Variants in ATXN10 observed in about 807,000 individuals in gnomAD.
ATXN10 encodes ataxin 10.
In ATXN10, 28 loss-of-function variants were observed where a neutral mutation model predicts 52.9. The observed-to-expected ratio is 0.53, with a 90% confidence interval of 0.39 to 0.73. The LOEUF (loss-of-function observed/expected upper bound fraction) is 0.73, where lower values mean the gene tolerates loss of function less well. ATXN10 is among the 30% of genes least tolerant of loss of function. The pLI is 0.00. For missense variants in ATXN10, 565 were observed against 577.0 expected (o/e 0.98, Z 0.21); for synonymous variants, 226 against 221.5 (o/e 1.02, Z -0.18).
At chr22:45,811,389 A>C (rs1754285844) in intron 10 of ATXN10, among the ~76,000 whole-genome samples, 1 of 152,164 alleles carries the variant, frequency 6.6e-6, no homozygotes, top group Admixed American at 6.5e-5. Context: ...TCTTGTATAA[A>C]GTATATACAG....
chr22:45,678,230 G>A lies in ATXN10; in HGVS notation c.116+6051G>A, dbSNP rs1922778785. On this transcript the variant is annotated intron_variant, in intron 1 of 11. Transcript: ENST00000252934. The surrounding 1 kb of genome is among the most constrained non-coding windows in gnomAD (Gnocchi z 4.1). ...AAATGAACAACATGGCAAATTTTAT[G>A]TTATATATATGTATTTTACCACAGT... is the stretch of plus-strand genomic sequence containing the variant. 6.6e-6 allele frequency: 1 copy of A among 152,162 alleles called. No homozygotes were observed. Among genetic ancestry groups the A allele is most frequent in the Non-Finnish European group, 1.5e-5 (1 of 68,040 alleles). The allele number at this position is 152,162 out of a possible 1,614,324, so 9.4% of individuals were successfully genotyped here.
At chr22:45,804,854 T>G (rs1009536703) in intron 9 of ATXN10, among the ~76,000 whole-genome samples, 1 of 152,222 alleles carries the variant, frequency 6.6e-6, no homozygotes, top group African/African-American at 2.4e-5. Context: ...CCATTATTTG[T>G]TTTTGGTTTA....
At chr22:45,697,427 G>A (rs1400019692) in intron 3 of ATXN10, among the ~76,000 whole-genome samples, 2 of 151,092 alleles carry the variant, frequency 1.3e-5, no homozygotes, top group Non-Finnish European at 3.0e-5. Context: ...GAGCCGCTGC[G>A]TCCGGCCTAA....
intron 5 of ATXN10, among the ~76,000 whole-genome samples, chr22:45,716,282 C>T (rs931357727): frequency 2.7e-5 from 4 of 150,850 alleles, no homozygotes; most frequent in African/African-American, 4.9e-5. Flanking sequence ...ACAACAAAAA[C>T]GAAAGCGGCG....
At chr22:45,776,475 G>A (rs927745223) in intron 9 of ATXN10, among the ~76,000 whole-genome samples, 1 of 149,760 alleles carries the variant, frequency 6.7e-6, no homozygotes, top group African/African-American at 2.5e-5. Context: ...GCCATATGAA[G>A]TTTTTCATAT....
intron 9 of ATXN10, among the ~76,000 whole-genome samples, chr22:45,748,031 T>C (rs1420009594): frequency 6.6e-6 from 1 of 152,084 alleles, no homozygotes; most frequent in Non-Finnish European, 1.5e-5. Flanking sequence ...AGACCGTTTC[T>C]CTAAAAAAAT....
rs1486202283 is a variant in ATXN10, at chr22:45,681,889, A to G, written c.117-7823A>G. On this transcript the variant is annotated intron_variant, in intron 1 of 11. Coordinates refer to ENST00000252934, the MANE Select transcript of ATXN10 (RefSeq NM_013236.4). The surrounding 1 kb of genome is among the most constrained non-coding windows in gnomAD (Gnocchi z 4.2). The stretch of plus-strand genomic sequence containing the variant: ...CTGAAAATAGGAGCAACTAGAAGAT[A>G]ATTTCCAGGAACTCTCATCACCCTC... Among the ~76,000 whole-genome samples, 2 of 152,152 alleles carry G rather than the reference A, an allele frequency of 1.3e-5. No individual in the cohort carries two copies. Among genetic ancestry groups the G allele is most frequent in the Non-Finnish European group, 2.9e-5 (2 of 68,024 alleles).
In ATXN10 at chr22:45,766,641, G is replaced by A. The variant is rs1056639343; in HGVS notation, c.1173+26103G>A. On this transcript the variant is annotated intron_variant, in intron 9 of 11. Transcript: ENST00000252934. The surrounding 1 kb of genome is among the most constrained non-coding windows in gnomAD (Gnocchi z 4.6). ...ATGAGTTCCGTTATATAACCTCCGAGTCTGGAAGCAATAAGAGAAAAGGTT... is the reference window on the plus strand; with the variant it reads ...ATGAGTTCCGTTATATAACCTCCGAATCTGGAAGCAATAAGAGAAAAGGTT... Among the ~76,000 whole-genome samples the A allele has an allele frequency of 6.6e-6, 1 of 152,122 alleles. No individual in the cohort carries two copies. The highest frequency in any genetic ancestry group is 1.5e-5 in the Non-Finnish European group (1 of 68,032).
At chr22:45,682,491 G>A (rs1166169635) in intron 1 of ATXN10, among the ~76,000 whole-genome samples, 2 of 150,012 alleles carry the variant, frequency 1.3e-5, no homozygotes, top group Non-Finnish European at 3.0e-5. Context: ...AATTTTTTTT[G>A]TAGAGACAGG....
intron 8 of ATXN10, among the ~76,000 whole-genome samples, chr22:45,740,155 T>A (rs1247182211): frequency 6.6e-6 from 1 of 152,158 alleles, no homozygotes; most frequent in Non-Finnish European, 1.5e-5. Context: ...TCCCCAAAAC[T>A]AGAGTCAAAA....
chr22:45,694,786 A>C (rs1183412539), intron 3 of ATXN10, among the ~76,000 whole-genome samples: 1 of 151,248 alleles, frequency 6.6e-6, no homozygotes, highest in African/African-American at 2.4e-5. Context: ...CTGTCTCGAA[A>C]AAAAAAAGAA....
At chr22:45,767,436 T>TACAC (rs67341464) in intron 9 of ATXN10, among the ~76,000 whole-genome samples, 26 of 149,738 alleles carry the variant, frequency 1.7e-4, no homozygotes, top group African/African-American at 5.4e-4. Context: ...TAAATATACA[T>TACAC]ACACACACAC....
intron 9 of ATXN10, among the ~76,000 whole-genome samples, chr22:45,798,332 A>T (rs1196153983): frequency 3.3e-5 from 5 of 152,208 alleles, no homozygotes; most frequent in Admixed American, 6.5e-5. Flanking sequence ...TGTATCATGA[A>T]CCTATGATGG....
intron 7 of ATXN10, among the ~76,000 whole-genome samples, chr22:45,737,336 C>T (rs894770016): frequency 2.0e-5 from 3 of 152,182 alleles, no homozygotes; most frequent in African/African-American, 7.2e-5. Context: ...CAGGTCTGTT[C>T]TTGAAGGAGC....
intron 8 of ATXN10, 53 bp from the exon 9 acceptor site, chr22:45,740,316 C>T: frequency 6.4e-7 from 1 of 1,551,376 alleles, no homozygotes; most frequent in African/African-American, 1.4e-5. Context: ...ATTAGTACAA[C>T]ATACTAAAAG....
chr22:45,767,608 C>T (rs1926630623), intron 9 of ATXN10, among the ~76,000 whole-genome samples: 1 of 151,260 alleles, frequency 6.6e-6, no homozygotes, highest in African/African-American at 2.4e-5. Context: ...TATAGAATTA[C>T]TTTGAAATCA....
Position 45,757,892 on chromosome 22 carries a change from T to C in ATXN10, c.1173+17354T>C, listed in dbSNP as rs1422597399. ...GTCATATTCGTTGAGCCTGTATTTA[T>C]AAAATTGGCATTTATTGGACCTCTG... On this transcript the variant is annotated intron_variant, in intron 9 of 11. Transcript: ENST00000252934. This position sits in a 1 kb window ranked among gnomAD's most constrained non-coding sequence, Gnocchi z 4.6. 6.6e-6 allele frequency among the ~76,000 whole-genome samples: 1 copy of C among 152,244 alleles called. No individual in the cohort carries two copies. The highest frequency in any genetic ancestry group is 1.5e-5 in the Non-Finnish European group (1 of 68,044).
intron 10 of ATXN10, among the ~76,000 whole-genome samples, chr22:45,821,024 A>G (rs1928628527): frequency 6.6e-6 from 1 of 152,214 alleles, no homozygotes; most frequent in South Asian, 2.1e-4. Flanking sequence ...TCTTTGGAAA[A>G]TGACCTAACT....
chr22:45,840,862 T>G lies in ATXN10; in HGVS notation c.1238-2129T>G, dbSNP rs1436305310. ...CTTCTTTCATTTACCATTAGAGAGT[T>G]ATACTCATGAACAAAAATTCCCCAG... On this transcript the variant is annotated intron_variant, in intron 10 of 11. Coordinates refer to ENST00000252934, the MANE Select transcript of ATXN10 (RefSeq NM_013236.4). The surrounding 1 kb of genome is among the most constrained non-coding windows in gnomAD (Gnocchi z 5.8). 6.6e-6 allele frequency among the ~76,000 whole-genome samples: 1 copy of G among 152,226 alleles called. No individual in the cohort carries two copies. The highest frequency in any genetic ancestry group is 1.5e-5 in the Non-Finnish European group (1 of 68,040).
Sources: allele counts gnomAD v4.1 joint callset (sites outside exome capture counted in the v4.1 genomes callset), GRCh38; gene constraint gnomAD v4.1.1; non-coding constraint Gnocchi (gnomAD v3.1); transcripts MANE v1.5; gene names NCBI Gene and HGNC (gene_info 2026-07-23, HGNC 2026-07-21).